CDC73: variants seen among roughly 807,000 people sequenced by gnomAD.
CDC73 encodes cell division cycle 73.
CDC73 carries 21 observed loss-of-function variants against 83.7 expected under a neutral mutation model. That is an observed-to-expected ratio of 0.25 (90% confidence interval 0.18 to 0.36). CDC73 has a LOEUF of 0.36. Among genes scored for constraint, CDC73 ranks in the 10% least tolerant of loss-of-function variants. The probability of loss-of-function intolerance (pLI) is 1.00; values close to 1 mark genes in which losing one functional copy is unlikely to be tolerated. For missense variants in CDC73, 342 were observed against 653.3 expected (o/e 0.52, Z 5.19); for synonymous variants, 224 against 212.9 (o/e 1.05, Z -0.45).
chr1:193,219,543 A>G (rs1410835340), intron 13 of CDC73, among the ~76,000 whole-genome samples: 2 of 152,240 alleles, frequency 1.3e-5, no homozygotes, highest in South Asian at 2.1e-4. Context: ...CATACATGCC[A>G]CGGAATACTA....
At chr1:193,165,079 TG>T (rs1676413015) in intron 10 of CDC73, among the ~76,000 whole-genome samples, 1 of 152,178 alleles carries the variant, frequency 6.6e-6, no homozygotes. Flanking sequence ...TTTAAAGAGA[TG>T]AGGTCTCACT....
chr1:193,148,402 C>T (rs1467013659), intron 8 of CDC73, among the ~76,000 whole-genome samples: 1 of 152,134 alleles, frequency 6.6e-6, no homozygotes, highest in African/African-American at 2.4e-5. Flanking sequence ...AATTGTACCT[C>T]CATTTCAGCT....
At chr1:193,141,190 A>G (rs1675900433) in intron 6 of CDC73, 1 of 152,210 alleles carries the variant, frequency 6.6e-6, no homozygotes, top group South Asian at 2.1e-4. Context: ...ATGATAAAAG[A>G]CACTTTGCTT....
chr1:193,167,904 A>G (rs1226378503), intron 10 of CDC73, among the ~76,000 whole-genome samples: 3 of 152,096 alleles, frequency 2.0e-5, no homozygotes, highest in African/African-American at 4.8e-5. Flanking sequence ...TCTGTTGCCC[A>G]GTCTTCAGTA....
Position 193,162,246 on chromosome 1 carries a change from TAATA to T in CDC73, c.972+9807_972+9810del, listed in dbSNP as rs1209055082. 1.0e-3 allele frequency among the ~76,000 whole-genome samples: 96 copies of T among 95,032 alleles called. 4 individuals are homozygous for T. The highest frequency in any genetic ancestry group is 1.7e-3 in the Non-Finnish European group (86 of 49,446). The allele number at this position is 95,032 out of a possible 152,430, so 62.3% of individuals were successfully genotyped here. A position where few individuals can be genotyped will look rare whatever the true frequency, so the allele number is the denominator to read the frequency against. On this transcript the variant is annotated intron_variant, in intron 10 of 16. Transcript: ENST00000367435. ...TATCTATTATATTGTATATAATATA[TAATA>T]AATATAGTATATATAATAGATAATA...
chr1:193,240,247 A>G lies in CDC73; in HGVS notation c.1417+3891A>G, dbSNP rs190754280. On this transcript the variant is annotated intron_variant, in intron 15 of 16. Transcript: ENST00000367435. ...GTATTTCAGTGTGTATATATACTAC[A>G]TTTTCTTTATTCATCTGTTGATGGA... Among the ~76,000 whole-genome samples, 18 of 152,128 alleles carry G rather than the reference A, an allele frequency of 1.2e-4. No individual in the cohort carries two copies. In the South Asian group the frequency reaches 2.7e-3, roughly 23 times the overall value.
chr1:193,223,738 T>C (rs1332224359), intron 13 of CDC73, among the ~76,000 whole-genome samples: 1 of 152,142 alleles, frequency 6.6e-6, no homozygotes, highest in Non-Finnish European at 1.5e-5. Flanking sequence ...GCAAATCCAA[T>C]GAATAGCAGT....
rs188022876 is a variant in CDC73, at chr1:193,251,983, A to G, written c.*1271A>G. The G allele has an allele frequency of 2.2e-5, 5 of 231,394 alleles. No individual in the cohort carries two copies. Among genetic ancestry groups the G allele is most frequent in the African/African-American group, 8.8e-5 (4 of 45,318 alleles). The allele number at this position is 231,394 out of a possible 1,614,324, so 14.3% of individuals were successfully genotyped here. A position where few individuals can be genotyped will look rare whatever the true frequency, so the allele number is the denominator to read the frequency against. ...CAGCAATTTTCTCCTAGGTTAACAT[A>G]TTTTTGGTGAACGTTTAGGCCTTTC... On this transcript the variant is annotated 3_prime_UTR_variant, in exon 17 of 17. Transcript: ENST00000367435.
intron 13 of CDC73, among the ~76,000 whole-genome samples, chr1:193,215,595 T>G (rs1313688859): frequency 6.6e-6 from 1 of 151,522 alleles, no homozygotes; most frequent in African/African-American, 2.4e-5. Context: ...AACACAGGTT[T>G]TTTTTTTTTT....
chr1:193,195,727 T>C (rs1187123088), intron 10 of CDC73, among the ~76,000 whole-genome samples: 4 of 152,202 alleles, frequency 2.6e-5, no homozygotes, highest in Admixed American at 1.3e-4. Context: ...TAATGTCTTA[T>C]GGTATTTGAT....
At chr1:193,128,030 C>G (rs1040860207) in intron 2 of CDC73, 2 of 152,022 alleles carry the variant, frequency 1.3e-5, no homozygotes, top group Non-Finnish European at 2.9e-5. Context: ...ACCTCGCGAT[C>G]CGCCCGCCTC....
At chr1:193,175,582 C>A (rs1323513965) in intron 10 of CDC73, among the ~76,000 whole-genome samples, 1 of 152,172 alleles carries the variant, frequency 6.6e-6, no homozygotes, top group Non-Finnish European at 1.5e-5. Context: ...AACGCCTGTG[C>A]TGAACATGTA....
intron 10 of CDC73, chr1:193,180,506 T>G (rs780213000): frequency 3.1e-6 from 5 of 1,614,046 alleles, no homozygotes; most frequent in Non-Finnish European, 4.2e-6. Flanking sequence ...ACAGGATCAA[T>G]TCTCAACTTG....
At chr1:193,179,784 G>T (rs1377812546) in intron 10 of CDC73, 1 of 152,524 alleles carries the variant, frequency 6.6e-6, no homozygotes, top group Non-Finnish European at 1.5e-5. Flanking sequence ...TAATGTGTTT[G>T]TGGAATAACT....
chr1:193,215,683 G>A (rs1677356176), intron 13 of CDC73, among the ~76,000 whole-genome samples: 3 of 150,068 alleles, frequency 2.0e-5, no homozygotes, highest in Admixed American at 2.0e-4. Context: ...TCTGCCTCCT[G>A]GGCTCAAGCA....
chr1:193,224,464 T>A (rs1409379555), intron 13 of CDC73, among the ~76,000 whole-genome samples: 2 of 151,756 alleles, frequency 1.3e-5, no homozygotes, highest in African/African-American at 4.8e-5. Context: ...CATATGCACA[T>A]ACGAAATTTA....
At chr1:193,188,342 T>G (rs1412400401) in intron 10 of CDC73, among the ~76,000 whole-genome samples, 1 of 152,220 alleles carries the variant, frequency 6.6e-6, no homozygotes, top group Admixed American at 6.5e-5. Flanking sequence ...ATCTAAATTC[T>G]TATCCTCTGT....
chr1:193,217,252 G>A (rs969802590), intron 13 of CDC73, among the ~76,000 whole-genome samples: 1 of 152,092 alleles, frequency 6.6e-6, no homozygotes, highest in Admixed American at 6.5e-5. Flanking sequence ...CCCAGTGGAC[G>A]TGTGTTACAG....
At chr1:193,192,950 T>C (rs1287747097) in intron 10 of CDC73, among the ~76,000 whole-genome samples, 4 of 152,226 alleles carry the variant, frequency 2.6e-5, no homozygotes, top group African/African-American at 9.7e-5. Flanking sequence ...AGCTGTTAAC[T>C]CAAGGTAAGA....
Sources: gnomAD v4.1 joint callset for allele counts (sites outside exome capture counted in the v4.1 genomes callset) on GRCh38, gnomAD v4.1.1 for gene constraint, MANE v1.5 for transcripts, NCBI Gene and HGNC (gene_info 2026-07-23, HGNC 2026-07-21) for gene names.